The following SGCZ variants were observed in gnomAD, a reference collection of about 807,000 sequenced individuals.
The protein encoded by SGCZ is zeta-sarcoglycan.
Under a neutral mutation model 41.3 loss-of-function variants are expected in SGCZ, and 40 were observed. That is an observed-to-expected ratio of 0.97 (90% CI 0.75 to 1.26). SGCZ has a LOEUF of 1.26. Among genes scored for constraint, SGCZ ranks in the 50% most tolerant of loss-of-function variants. SGCZ has a pLI of 0.00. For synonymous variants in SGCZ, 206 were observed against 137.5 expected (o/e 1.50, Z -3.49); for missense variants, 552 against 369.8 (o/e 1.49, Z -4.04).
rs73520315 is a variant in SGCZ, at chr8:14,085,812, A to G, written c.*4631T>C. On this transcript the variant is annotated 3_prime_UTR_variant, in exon 8 of 8. Transcript: ENST00000382080. ...AATTTATACAACTCAGGATCCTCCA[A>G]GAAGGATGTTTACTACCTCATGTTA... 0.017 allele frequency among the ~76,000 whole-genome samples: 2,511 copies of G among 151,886 alleles called. 79 individuals carry two copies. The highest frequency in any genetic ancestry group is 0.058 in the African/African-American group (2,399 of 41,514).
intron 1 of SGCZ, among the ~76,000 whole-genome samples, chr8:14,933,713 A>G (rs1799994969): frequency 6.6e-6 from 1 of 151,896 alleles, no homozygotes; most frequent in Non-Finnish European, 1.5e-5. Flanking sequence ...TGGCCTACCA[A>G]AGTGCTGGGA....
intron 1 of SGCZ, among the ~76,000 whole-genome samples, chr8:15,182,457 AG>A (rs1391801877): frequency 1.3e-5 from 2 of 152,224 alleles, no homozygotes; most frequent in African/African-American, 2.4e-5. Flanking sequence ...TATTACTCCT[AG>A]GCTACAAACA....
chr8:14,938,776 C>G (rs1585395625), intron 1 of SGCZ, among the ~76,000 whole-genome samples: 1 of 151,932 alleles, frequency 6.6e-6, no homozygotes, highest in East Asian at 1.9e-4. Flanking sequence ...CGTGTGTTCC[C>G]ACTTATAAGT....
At chr8:14,273,498 C>A (rs560656699) in intron 3 of SGCZ, among the ~76,000 whole-genome samples, 1 of 152,100 alleles carries the variant, frequency 6.6e-6, no homozygotes, top group East Asian at 1.9e-4. Flanking sequence ...AGTGCTCATC[C>A]GATCTTCTGA....
chr8:15,002,578 G>A (rs1406895757), intron 1 of SGCZ, among the ~76,000 whole-genome samples: 2 of 152,084 alleles, frequency 1.3e-5, no homozygotes, highest in Non-Finnish European at 2.9e-5. Flanking sequence ...AAAAATTGAA[G>A]TGAGAAATAA....
At chr8:14,422,978 T>C (rs1799674962) in intron 2 of SGCZ, among the ~76,000 whole-genome samples, 1 of 152,010 alleles carries the variant, frequency 6.6e-6, no homozygotes, top group Non-Finnish European at 1.5e-5. Context: ...CAATGAGCCA[T>C]GATCATGCCA....
intron 2 of SGCZ, among the ~76,000 whole-genome samples, chr8:14,395,473 C>T (rs1313667786): frequency 1.3e-5 from 2 of 152,134 alleles, no homozygotes; most frequent in South Asian, 2.1e-4. Flanking sequence ...CCCATATAAT[C>T]AGCAATGGCA....
intron 3 of SGCZ, among the ~76,000 whole-genome samples, chr8:14,317,035 T>G (rs1801742151): frequency 1.3e-5 from 2 of 152,074 alleles, no homozygotes; most frequent in East Asian, 3.9e-4. Context: ...CATGTTACAT[T>G]TACTCTTCCT....
chr8:14,797,142 C>G (rs1801159633), intron 1 of SGCZ, among the ~76,000 whole-genome samples: 1 of 144,306 alleles, frequency 6.9e-6, no homozygotes, highest in Non-Finnish European at 1.5e-5. Context: ...GACTTTGGAA[C>G]TGGATAACAG....
At chr8:15,115,108 T>C (rs1352277279) in intron 1 of SGCZ, among the ~76,000 whole-genome samples, 1 of 152,190 alleles carries the variant, frequency 6.6e-6, no homozygotes, top group Non-Finnish European at 1.5e-5. Context: ...AGTTTATTTC[T>C]GGCACACAGA....
At chr8:14,118,683 T>C (rs1182927658) in intron 5 of SGCZ, among the ~76,000 whole-genome samples, 2 of 152,204 alleles carry the variant, frequency 1.3e-5, no homozygotes. Flanking sequence ...TCCAGGGTTT[T>C]TATGGTTTTA....
chr8:14,555,473 T>G (rs1403502317), intron 1 of SGCZ, among the ~76,000 whole-genome samples: 2 of 152,046 alleles, frequency 1.3e-5, no homozygotes, highest in African/African-American at 4.8e-5. Flanking sequence ...ATAAGACGTG[T>G]CTGTTTCCCC....
At chr8:14,993,193 C>T (rs1310135946) in intron 1 of SGCZ, among the ~76,000 whole-genome samples, 4 of 152,184 alleles carry the variant, frequency 2.6e-5, no homozygotes, top group Admixed American at 6.5e-5. Flanking sequence ...AGCCCTTTAA[C>T]TCACGAAGAG....
chr8:14,586,159 T>A (rs1356221192), intron 1 of SGCZ, among the ~76,000 whole-genome samples: 1 of 152,154 alleles, frequency 6.6e-6, no homozygotes, highest in Non-Finnish European at 1.5e-5. Flanking sequence ...GCTATAATCA[T>A]TAAATTAATT....
chr8:14,566,368 C>T lies in SGCZ; in HGVS notation c.40-11442G>A, dbSNP rs553476565. On this transcript the variant is annotated intron_variant, in intron 1 of 7. Transcript: ENST00000382080. Reference sequence around the variant, plus strand: ...AGGAAGTAAAAAGTGGCCGAATGGCCATCATAAGATGGGGCCAGTGTGGGT... The same window carrying T: ...AGGAAGTAAAAAGTGGCCGAATGGCTATCATAAGATGGGGCCAGTGTGGGT... Among the ~76,000 whole-genome samples the T allele has an allele frequency of 6.2e-4, 95 of 152,240 alleles. 1 individual carries two copies. In the South Asian group the frequency reaches 0.019, roughly 31 times the overall value.
chr8:14,705,611 G>T (rs867060185), intron 1 of SGCZ, among the ~76,000 whole-genome samples: 11 of 151,898 alleles, frequency 7.2e-5, no homozygotes, highest in African/African-American at 2.4e-4. Flanking sequence ...TTATGCATTT[G>T]TTTTCCAAAT....
At chr8:14,863,123 G>A (rs1021838619) in intron 1 of SGCZ, among the ~76,000 whole-genome samples, 2 of 151,958 alleles carry the variant, frequency 1.3e-5, no homozygotes, top group Admixed American at 6.6e-5. Flanking sequence ...CTTGCCTTAG[G>A]TCACACAGCC....
intron 1 of SGCZ, among the ~76,000 whole-genome samples, chr8:14,880,615 A>G (rs565553458): frequency 6.6e-6 from 1 of 152,210 alleles, no homozygotes; most frequent in African/African-American, 2.4e-5. Flanking sequence ...ATGTGATACT[A>G]TGCAGCCATG....
intron 1 of SGCZ, among the ~76,000 whole-genome samples, chr8:14,974,995 G>T (rs566500743): frequency 6.6e-6 from 1 of 152,056 alleles, no homozygotes; most frequent in Non-Finnish European, 1.5e-5. Flanking sequence ...ATGTCTCCAA[G>T]ATCTAGATTA....
Sources: gnomAD v4.1 joint callset for allele counts (sites outside exome capture counted in the v4.1 genomes callset) on GRCh38, gnomAD v4.1.1 for gene constraint, MANE v1.5 for transcripts, NCBI Gene and HGNC (gene_info 2026-07-23, HGNC 2026-07-21) for gene names.